NISCH: variants seen among roughly 807,000 people sequenced by gnomAD.
NISCH encodes the protein I-1 receptor candidate protein.
A neutral mutation model predicts 138.4 loss-of-function variants in NISCH; 55 were observed. The observed-to-expected ratio is 0.40, with a 90% CI of 0.32 to 0.50. The LOEUF (loss-of-function observed/expected upper bound fraction) is 0.50. Among genes scored for constraint, NISCH ranks in the 20% least tolerant of loss-of-function variants. NISCH has a pLI of 0.71. For missense variants in NISCH, 1,643 were observed against 2,005.5 expected (o/e 0.82, Z 3.45); for synonymous variants, 860 against 861.5 (o/e 1.00, Z 0.03).
chr3:52,470,765 A>G lies in NISCH; in HGVS notation c.361-94A>G, dbSNP rs977622906. 8 of 997,170 alleles carry G rather than the reference A, an allele frequency of 8.0e-6. No individual in the cohort carries two copies. In the African/African-American group the frequency reaches 9.6e-5, roughly 12 times the overall value. 61.8% of individuals were successfully genotyped at this position (997,170 alleles called of 1,614,324 possible). On this transcript the variant is annotated intron_variant, in intron 3 of 20. Coordinates refer to ENST00000345716, the MANE Select transcript of NISCH (RefSeq NM_007184.4). ...TAGTTTAACTTCCTAGAGAGATGGCACTGGCACAACAGAGGGGATAGATAG... is the reference window on the plus strand; with the variant it reads ...TAGTTTAACTTCCTAGAGAGATGGCGCTGGCACAACAGAGGGGATAGATAG...
chr3:52,480,338 C>A (rs765421838), intron 13 of NISCH, 43 bp downstream of exon 13: 1 of 1,610,556 alleles, frequency 6.2e-7, no homozygotes. Flanking sequence ...CCACACAGCC[C>A]TGCCTGGGCC....
Position 52,490,112 on chromosome 3 carries a change from C to G in NISCH, c.3494C>G (p.Ser1165Trp). The change falls in exon 18 of 21, where the codon TCG (serine) becomes TGG (tryptophan). Residue 1165 changes from serine (S) to tryptophan (W), a missense_variant. By Grantham distance (177) the Ser-to-Trp change is radical. Coordinates refer to ENST00000345716, the MANE Select transcript of NISCH (RefSeq NM_007184.4). Reference sequence around the variant, plus strand: ...GAGCTGAGGCACCTCATGTGGTCCTCGGTGGTGTTCTACCAGACCCCAGGG... The same window carrying G: ...GAGCTGAGGCACCTCATGTGGTCCTGGGTGGTGTTCTACCAGACCCCAGGG... The part of the protein sequence containing the change: ...NEELRHLMWS[S>W]VVFYQTPGLE... 6.2e-7 allele frequency: 1 copy of G among 1,613,668 alleles called. No individual in the cohort carries two copies. Among genetic ancestry groups the G allele is most frequent in the Non-Finnish European group, 8.5e-7 (1 of 1,180,020 alleles).
chr3:52,474,311 T>G (rs897140120), intron 7 of NISCH, among the ~76,000 whole-genome samples: 7 of 151,558 alleles, frequency 4.6e-5, no homozygotes, highest in South Asian at 2.1e-4. Context: ...TGTTGTTGTT[T>G]TTTGAGACAG....
chr3:52,483,767 A>G (rs1237903899), intron 13 of NISCH, among the ~76,000 whole-genome samples: 3 of 152,204 alleles, frequency 2.0e-5, no homozygotes, highest in African/African-American at 4.8e-5. Flanking sequence ...ATGACAAATC[A>G]GGGGACGGGG....
chr3:52,464,517 C>CTTTTTTTTTTTTTTTT (rs71084185), intron 3 of NISCH, among the ~76,000 whole-genome samples: 7 of 75,820 alleles, frequency 9.2e-5, no homozygotes, highest in East Asian at 4.8e-4. Flanking sequence ...TGTGAGTTGT[C>CTTTTTTTTTTTTTTTT]TTTTTTTTTT....
chr3:52,478,485 C>G lies in NISCH; in HGVS notation c.1210C>G (p.Leu404Val), dbSNP rs765898776. 6.2e-7 allele frequency: 1 copy of G among 1,614,196 alleles called. No homozygotes were observed. Among genetic ancestry groups the G allele is most frequent in the East Asian group, 2.2e-5 (1 of 44,890 alleles). The change falls in exon 11 of 21, where the codon CTG becomes GTG. Residue 404 changes from leucine to valine, a missense_variant. Coordinates refer to ENST00000345716, the MANE Select transcript of NISCH (RefSeq NM_007184.4). ...CCGGAGCATAGGCAGCCTCCCGTGT[C>G]TGGAGCACGTGTCTCTGCTGAACAA... ...EVRSIGSLPCLEHVSLLNNPL... is the reference protein window; with the variant it reads ...EVRSIGSLPCVEHVSLLNNPL...
In NISCH at chr3:52,487,182, C is replaced by T; in HGVS notation, c.1704-14C>T. 1 of 1,604,518 alleles carries T rather than the reference C, an allele frequency of 6.2e-7. No homozygotes were observed. Among genetic ancestry groups the T allele is most frequent in the Non-Finnish European group, 8.5e-7 (1 of 1,173,674 alleles). ...CCTCCCAGCATGCCACTGACCTGGC[C>T]TCTCCCTGCACAGCCCAGAACATGC... On this transcript the variant is annotated splice_polypyrimidine_tract_variant and intron_variant, in intron 15 of 20. Coordinates refer to ENST00000345716, the MANE Select transcript of NISCH (RefSeq NM_007184.4). The surrounding 1 kb of genome is among the most constrained non-coding windows in gnomAD (Gnocchi z 9.1).
At chr3:52,469,365 C>G (rs1238944577) in intron 3 of NISCH, among the ~76,000 whole-genome samples, 1 of 152,208 alleles carries the variant, frequency 6.6e-6, no homozygotes, top group African/African-American at 2.4e-5. Flanking sequence ...TGCAGAGGCC[C>G]AAGGCCAAGG....
chr3:52,472,075 G>T, intron 5 of NISCH, 98 bp downstream of exon 5: 1 of 1,348,076 alleles, frequency 7.4e-7, no homozygotes, highest in Non-Finnish European at 1.0e-6. Context: ...AGACCATGGG[G>T]GACTGTTGGT....
rs544047772 is a variant in NISCH at position 52,492,202 on chromosome 3, G to A, written c.4235G>A (p.Arg1412His). 2.1e-5 allele frequency: 34 copies of A among 1,613,100 alleles called. No homozygotes were observed. Among genetic ancestry groups the A allele is most frequent in the Middle Eastern group, 1.6e-4 (1 of 6,062 alleles). Residue 1412 changes from arginine (R) to histidine (H), a missense_variant, in exon 21 of 21, where the codon CGC becomes CAC. Arg to His is a conservative substitution (Grantham distance 29). Coordinates refer to ENST00000345716, the MANE Select transcript of NISCH (RefSeq NM_007184.4). The stretch of plus-strand genomic sequence containing the variant: ...AGGTACCGGCTGGACGATGGCCGCC[G>A]CGTCCGGGACCTGGACCGAGTGCTC... ...RDRYRLDDGR[R>H]VRDLDRVLMG...
At chr3:52,481,556 CAT>C in intron 13 of NISCH, 1 of 985,540 alleles carries the variant, frequency 1.0e-6, no homozygotes, top group African/African-American at 1.7e-5. Context: ...GTGGAGGTAC[CAT>C]ATGACTGTAG....
intron 3 of NISCH, among the ~76,000 whole-genome samples, chr3:52,460,400 AT>A (rs60949920): frequency 0.7 from 80,095 of 114,384 alleles, 26,825 homozygotes; most frequent in African/African-American, 0.82. Flanking sequence ...TGGCTGTACT[AT>A]TTTTTTTTTT....
At chr3:52,489,304 G>A (rs751330428) in intron 16 of NISCH, 32 bp from the exon 17 acceptor site, 10 of 1,589,450 alleles carry the variant, frequency 6.3e-6, no homozygotes, top group South Asian at 2.3e-5. Flanking sequence ...TTTGGGGTCC[G>A]CTGTTAATAT....
Position 52,487,279 on chromosome 3 carries a change from C to G in NISCH, c.1787C>G (p.Thr596Arg), listed in dbSNP as rs765997463. The stretch of plus-strand genomic sequence containing the variant: ...CTGCCCTTCACCTGCATTGGCTACA[C>G]GGCCACCAATCAGGACTTCATCCAG... ...IFLPFTCIGYTATNQDFIQRL... is the reference protein window; with the variant it reads ...IFLPFTCIGYRATNQDFIQRL... The change falls in exon 16 of 21, where the codon ACG becomes AGG. Residue 596 changes from threonine to arginine, a missense_variant. Physicochemically the swap from Thr to Arg is moderately conservative, Grantham distance 71 (BLOSUM62 -1). Transcript: ENST00000345716. This position sits in a 1 kb window ranked among gnomAD's most constrained non-coding sequence, Gnocchi z 9.1. 1.9e-6 allele frequency: 3 copies of G among 1,614,048 alleles called. No homozygotes were observed. Among genetic ancestry groups the G allele is most frequent in the Non-Finnish European group, 2.5e-6 (3 of 1,180,046 alleles).
At chr3:52,491,311 G>A (rs1415084541) in intron 19 of NISCH, 41 bp from the exon 20 acceptor site, 1 of 1,582,246 alleles carries the variant, frequency 6.3e-7, no homozygotes, top group South Asian at 1.2e-5. Context: ...TAGGGCTGGG[G>A]AGCGCCGGCC....
chr3:52,487,999 G>T lies in NISCH; in HGVS notation c.2507G>T (p.Arg836Leu). 6.2e-7 allele frequency: 1 copy of T among 1,612,336 alleles called. No homozygotes were observed. The highest frequency in any genetic ancestry group is 8.5e-7 in the Non-Finnish European group (1 of 1,179,928). Reference protein sequence around the residue: ...GSHTSLQEFLRQLLTFYKVAG... With the variant: ...GSHTSLQEFLLQLLTFYKVAG... ...CACACCAGCCTGCAGGAGTTCCTGCGCCAGCTGCTCACCTTCTACAAGGTG... is the reference window on the plus strand; with the variant it reads ...CACACCAGCCTGCAGGAGTTCCTGCTCCAGCTGCTCACCTTCTACAAGGTG... The change falls in exon 16 of 21, where the codon CGC (arginine) becomes CTC (leucine). Residue 836 changes from arginine to leucine, a missense_variant. Transcript: ENST00000345716. This position sits in a 1 kb window ranked among gnomAD's most constrained non-coding sequence, Gnocchi z 9.1.
chr3:52,481,552 G>A (rs1707274331), intron 13 of NISCH: 6 of 985,422 alleles, frequency 6.1e-6, no homozygotes, highest in South Asian at 4.7e-5. Flanking sequence ...GCCTGTGGAG[G>A]TACCATATGA....
chr3:52,490,565 A>T, intron 18 of NISCH, 140 bp from the exon 19 acceptor site: 1 of 1,189,662 alleles, frequency 8.4e-7, no homozygotes, highest in Non-Finnish European at 1.2e-6. Flanking sequence ...CTCCGACTCC[A>T]GAGGGCATTG....
chr3:52,484,462 T>TCCCCCCCCCCCCCCCCCCCCCCCC, intron 13 of NISCH, 51 bp from the exon 14 acceptor site: 1 of 788,670 alleles, frequency 1.3e-6, no homozygotes, highest in Non-Finnish European at 1.8e-6. Flanking sequence ...ACAGCCGCTC[T>TCCCCCCCCCCCCCCCCCCCCCCCC]CCCCGCCCCA....
Sources: gnomAD v4.1 joint callset for allele counts (sites outside exome capture counted in the v4.1 genomes callset) on GRCh38, gnomAD v4.1.1 for gene constraint, Gnocchi (gnomAD v3.1) non-coding constraint, MANE v1.5 for transcripts, NCBI Gene and HGNC (gene_info 2026-07-23, HGNC 2026-07-21) for gene names.